The following DTL variants were observed in gnomAD, a reference collection of about 807,000 sequenced individuals.
DTL encodes denticleless protein homolog.
DTL carries 46 observed loss-of-function variants against 87.0 expected under a neutral mutation model. The observed-to-expected ratio is 0.53, with a 90% CI of 0.42 to 0.68. The LOEUF (loss-of-function observed/expected upper bound fraction) is 0.68. DTL is among the 30% of genes least tolerant of loss of function. The pLI is 0.00. For missense variants in DTL, 737 were observed against 869.4 expected (o/e 0.85, Z 1.91); for synonymous variants, 308 against 311.2 (o/e 0.99, Z 0.11).
Position 212,044,629 on chromosome 1 carries a change from C to T in DTL, c.179-31C>T, listed in dbSNP as rs113864541. 3.2e-4 allele frequency: 413 copies of T among 1,310,532 alleles called. 7 individuals are homozygous for T. The highest frequency in any genetic ancestry group is 4.1e-4 in the Non-Finnish European group (378 of 927,966). 81.2% of individuals were successfully genotyped at this position (1,310,532 alleles called of 1,614,324 possible). A position where few individuals can be genotyped will look rare whatever the true frequency, so the allele number is the denominator to read the frequency against. On this transcript the variant is annotated intron_variant, in intron 2 of 14. Transcript: ENST00000366991. Reference sequence around the variant, plus strand: ...AAAAAAAAAAAAAAATTGTGTTACTCTATATATTTTTTTCTTTATTTCTGC... The same window carrying T: ...AAAAAAAAAAAAAAATTGTGTTACTTTATATATTTTTTTCTTTATTTCTGC...
chr1:212,052,501 G>A (rs1366726762), intron 5 of DTL, among the ~76,000 whole-genome samples: 1 of 151,952 alleles, frequency 6.6e-6, no homozygotes, highest in Non-Finnish European at 1.5e-5. Flanking sequence ...GCCAGGCGTT[G>A]TGGTGGGCAC....
At chr1:212,077,398 T>C (rs1654862074) in intron 11 of DTL, among the ~76,000 whole-genome samples, 1 of 152,192 alleles carries the variant, frequency 6.6e-6, no homozygotes, top group African/African-American at 2.4e-5. Flanking sequence ...GTGACCCTTC[T>C]TTCTGCATTA....
chr1:212,045,370 A>G (rs914301524), intron 3 of DTL, among the ~76,000 whole-genome samples: 1 of 152,244 alleles, frequency 6.6e-6, no homozygotes, highest in African/African-American at 2.4e-5. Context: ...GTTAAGAAAA[A>G]TACTTTTTAG....
chr1:212,068,490 A>C, intron 9 of DTL, 109 bp from the exon 10 acceptor site: 1 of 870,446 alleles, frequency 1.1e-6, no homozygotes, highest in African/African-American at 1.7e-5. Context: ...TTGGGGACAA[A>C]GAATTCTGAT....
chr1:212,076,960 C>G (rs1654850522), intron 11 of DTL, among the ~76,000 whole-genome samples: 1 of 152,210 alleles, frequency 6.6e-6, no homozygotes, highest in African/African-American at 2.4e-5. Flanking sequence ...TTAATTATTG[C>G]ATATGTACCA....
chr1:212,057,949 CAG>C (rs1668228744), intron 5 of DTL, among the ~76,000 whole-genome samples: 1 of 152,116 alleles, frequency 6.6e-6, no homozygotes, highest in Non-Finnish European at 1.5e-5. Context: ...TCAGATAAAA[CAG>C]ACTTTATGTC....
chr1:212,072,018 T>A, intron 10 of DTL, 83 bp from the exon 11 acceptor site: 1 of 955,152 alleles, frequency 1.0e-6, no homozygotes, highest in Non-Finnish European at 1.7e-6. Context: ...TGATAAAACT[T>A]GTTAGAATAT....
At chr1:212,079,486 A>G (rs976669230) in intron 12 of DTL, among the ~76,000 whole-genome samples, 1 of 152,168 alleles carries the variant, frequency 6.6e-6, no homozygotes, top group Non-Finnish European at 1.5e-5. Context: ...GAATTAGGAA[A>G]GTAAAATATG....
At chr1:212,085,994 C>T (rs1041133004) in intron 13 of DTL, among the ~76,000 whole-genome samples, 9 of 152,142 alleles carry the variant, frequency 5.9e-5, no homozygotes, top group Admixed American at 2.0e-4. Context: ...ATGTATCTGT[C>T]CTTATTATGG....
chr1:212,080,986 C>T (rs1325878901), intron 13 of DTL, among the ~76,000 whole-genome samples: 2 of 152,154 alleles, frequency 1.3e-5, no homozygotes, highest in Non-Finnish European at 2.9e-5. Context: ...CCAGTATGTG[C>T]TGGGCCCTGT....
chr1:212,069,144 T>C (rs985675407), intron 10 of DTL, among the ~76,000 whole-genome samples: 2 of 152,004 alleles, frequency 1.3e-5, no homozygotes, highest in Non-Finnish European at 2.9e-5. Flanking sequence ...TTCTAGATGT[T>C]TTCCCCAGCC....
intron 11 of DTL, among the ~76,000 whole-genome samples, chr1:212,073,671 G>A (rs1482134314): frequency 2.0e-5 from 3 of 151,942 alleles, no homozygotes; most frequent in South Asian, 2.1e-4. Flanking sequence ...ATAGTCACAG[G>A]GTGGAAATAT....
rs918971012 is a variant in DTL at position 212,067,346 on chromosome 1, G to C, written c.713+461G>C. 2.6e-5 allele frequency among the ~76,000 whole-genome samples: 4 copies of C among 152,218 alleles called. No individual in the cohort carries two copies. The Middle Eastern group carries it at 0.01, about 388-fold the overall frequency. ...AATCTAACTAGATTGATGATAGTAA[G>C]GTCTAATGACTTTCACATACCTGTC... is the stretch of plus-strand genomic sequence containing the variant. On this transcript the variant is annotated intron_variant, in intron 8 of 14. Coordinates refer to ENST00000366991, the MANE Select transcript of DTL (RefSeq NM_016448.4).
At chr1:212,074,055 A>G (rs1654758387) in intron 11 of DTL, among the ~76,000 whole-genome samples, 1 of 151,968 alleles carries the variant, frequency 6.6e-6, no homozygotes, top group Non-Finnish European at 1.5e-5. Context: ...TGTTAAAAAA[A>G]AAATTTTTTT....
chr1:212,045,800 G>A (rs906614345), intron 3 of DTL, among the ~76,000 whole-genome samples: 4 of 152,184 alleles, frequency 2.6e-5, no homozygotes, highest in African/African-American at 9.6e-5. Context: ...ATAAGGTATC[G>A]AGAACAGTGA....
At chr1:212,045,524 A>G (rs1359143722) in intron 3 of DTL, among the ~76,000 whole-genome samples, 1 of 152,256 alleles carries the variant, frequency 6.6e-6, no homozygotes, top group Non-Finnish European at 1.5e-5. Context: ...TTTGGAACCC[A>G]TAAGTCAAGT....
chr1:212,099,670 C>T (rs1471902997), intron 13 of DTL: 2 of 152,478 alleles, frequency 1.3e-5, no homozygotes, highest in Non-Finnish European at 2.9e-5. Flanking sequence ...CACACAGCTT[C>T]GGGAGCCCTC....
chr1:212,069,306 C>T (rs1171693772), intron 10 of DTL, among the ~76,000 whole-genome samples: 1 of 152,018 alleles, frequency 6.6e-6, no homozygotes, highest in African/African-American at 2.4e-5. Flanking sequence ...AATCACCAGC[C>T]TCAGGCATGC....
rs147859321 is a variant in DTL, at chr1:212,055,918, G to T, written c.461-6966G>T. On this transcript the variant is annotated intron_variant, in intron 5 of 14. Coordinates refer to ENST00000366991, the MANE Select transcript of DTL (RefSeq NM_016448.4). ...GTGGTGCCTGAGCACTCCTCCTAGA[G>T]TCTAAACTTGGGCCTACTCAATCTG... Among the ~76,000 whole-genome samples, 377 of 152,290 alleles carry T rather than the reference G, an allele frequency of 2.5e-3. 4 individuals are homozygous for T. The highest frequency in any genetic ancestry group is 8.4e-3 in the African/African-American group (349 of 41,534).
Sources: allele counts gnomAD v4.1 joint callset (sites outside exome capture counted in the v4.1 genomes callset), GRCh38; gene constraint gnomAD v4.1.1; transcripts MANE v1.5; gene names NCBI Gene and HGNC (gene_info 2026-07-23, HGNC 2026-07-21).